Variants in TEX36 observed in about 807,000 individuals in gnomAD.
TEX36 encodes the protein testis expressed 36.
Under a neutral mutation model 13.6 loss-of-function variants are expected in TEX36, and 12 were observed. The observed-to-expected ratio is 0.88, with a 90% CI of 0.56 to 1.43. The LOEUF is 1.43. Ranked by LOEUF, TEX36 falls within the 40% of genes most tolerant of loss-of-function variation. The pLI is 0.00. For missense variants in TEX36, 224 were observed against 228.3 expected, an observed-to-expected ratio of 0.98 and a Z score of 0.12; for synonymous variants, 93 against 83.0, an observed-to-expected ratio of 1.12 and a Z score of -0.65.
At chr10:125,610,858 C>T (rs1846280408) in intron 3 of TEX36, among the ~76,000 whole-genome samples, 1 of 152,080 alleles carries the variant, frequency 6.6e-6, no homozygotes, top group Non-Finnish European at 1.5e-5. Flanking sequence ...CTATAATGCT[C>T]TCATTTTATT....
At chr10:125,667,633 GCCCCCAACACCA>G in intron 1 of TEX36, 4 of 721,700 alleles carry the variant, frequency 5.5e-6, no homozygotes, top group Middle Eastern at 4.9e-4. Flanking sequence ...CTACCTTGCT[GCCCCCAACACCA>G]CCCTTGGACA....
At chr10:125,667,153 G>A in intron 1 of TEX36, 1 of 677,006 alleles carries the variant, frequency 1.5e-6, no homozygotes, top group East Asian at 3.2e-5. Context: ...TGTGATCCCA[G>A]GGACAGCGGG....
intron 3 of TEX36, among the ~76,000 whole-genome samples, chr10:125,611,296 A>C (rs2133551310): frequency 6.6e-6 from 1 of 152,338 alleles, no homozygotes; most frequent in Non-Finnish European, 1.5e-5. Flanking sequence ...AGATACTGCC[A>C]AATTGCCCTC....
intron 3 of TEX36, among the ~76,000 whole-genome samples, chr10:125,647,150 T>C (rs1322411881): frequency 6.6e-6 from 1 of 152,206 alleles, no homozygotes; most frequent in Non-Finnish European, 1.5e-5. Flanking sequence ...CATATTAATA[T>C]AGAAAAACAT....
chr10:125,658,505 T>C (rs1339336476), intron 3 of TEX36, among the ~76,000 whole-genome samples: 2 of 152,092 alleles, frequency 1.3e-5, no homozygotes, highest in African/African-American at 4.8e-5. Context: ...ATATGAAAGA[T>C]TTAAATAATT....
intron 3 of TEX36, among the ~76,000 whole-genome samples, chr10:125,614,514 C>G (rs1846332594): frequency 6.6e-6 from 1 of 151,944 alleles, no homozygotes; most frequent in Non-Finnish European, 1.5e-5. Context: ...AGCCAGTTTT[C>G]CCAGCACCAT....
chr10:125,618,455 A>G (rs1314570928), downstream of TEX36, among the ~76,000 whole-genome samples: 1 of 152,010 alleles, frequency 6.6e-6, no homozygotes, highest in Non-Finnish European at 1.5e-5. Context: ...TGATGTTCAG[A>G]TGGGTTTTTG....
intron 3 of TEX36, among the ~76,000 whole-genome samples, chr10:125,658,560 G>A (rs1447599261): frequency 6.6e-6 from 1 of 151,860 alleles, no homozygotes; most frequent in Non-Finnish European, 1.5e-5. Flanking sequence ...TAACCAACAG[G>A]GGGGAATATA....
chr10:125,664,036 C>A (rs1847088431), intron 1 of TEX36, among the ~76,000 whole-genome samples: 1 of 152,178 alleles, frequency 6.6e-6, no homozygotes, highest in East Asian at 1.9e-4. Flanking sequence ...ATTCTACTCT[C>A]TATGAGTTCA....
intron 3 of TEX36, among the ~76,000 whole-genome samples, chr10:125,641,645 G>A (rs559212385): frequency 1.3e-5 from 2 of 152,346 alleles, no homozygotes; most frequent in South Asian, 4.1e-4. Context: ...ACACCTTCAT[G>A]TATTTGATGA....
downstream of TEX36, among the ~76,000 whole-genome samples, chr10:125,621,291 A>G (rs1846427184): frequency 6.6e-6 from 1 of 151,988 alleles, no homozygotes; most frequent in Non-Finnish European, 1.5e-5. Flanking sequence ...AAGCAGTCAC[A>G]CCATTTTACA....
intron 3 of TEX36, among the ~76,000 whole-genome samples, chr10:125,590,935 G>C (rs1846014601): frequency 6.6e-6 from 1 of 152,092 alleles, no homozygotes; most frequent in Non-Finnish European, 1.5e-5. Context: ...TTCCTCTTCG[G>C]TTATGTTCAC....
chr10:125,603,481 C>G (rs2133544871), intron 3 of TEX36, among the ~76,000 whole-genome samples: 1 of 152,248 alleles, frequency 6.6e-6, no homozygotes, highest in East Asian at 1.9e-4. Context: ...CTTCTCTTCT[C>G]TAACCCAGCC....
At chr10:125,615,291 T>C (rs949653711) in intron 3 of TEX36, among the ~76,000 whole-genome samples, 3 of 152,056 alleles carry the variant, frequency 2.0e-5, no homozygotes, top group Non-Finnish European at 4.4e-5. Flanking sequence ...TCCTGCCTAA[T>C]TGCCCTGGCC....
chr10:125,580,358 A>G (rs1479022697), intron 3 of TEX36, among the ~76,000 whole-genome samples: 1 of 152,170 alleles, frequency 6.6e-6, no homozygotes, highest in Admixed American at 6.5e-5. Context: ...TTGTGGTAGT[A>G]CCCTTTGTCA....
intron 3 of TEX36, among the ~76,000 whole-genome samples, chr10:125,610,807 G>A (rs769985250): frequency 7.6e-4 from 115 of 151,944 alleles, no homozygotes; most frequent in Non-Finnish European, 1.4e-3. Context: ...TTCTTTTCAC[G>A]ATTGTTCTTT....
intron 3 of TEX36, among the ~76,000 whole-genome samples, chr10:125,598,375 T>C (rs1272641191): frequency 6.6e-6 from 1 of 152,176 alleles, no homozygotes; most frequent in Non-Finnish European, 1.5e-5. Context: ...GGTAACCCTG[T>C]CTGGGTGATG....
intron 3 of TEX36, among the ~76,000 whole-genome samples, chr10:125,582,615 A>G (rs1298391955): frequency 6.6e-6 from 1 of 152,186 alleles, no homozygotes; most frequent in Non-Finnish European, 1.5e-5. Context: ...TTTAGTTGAG[A>G]GTGATTCAGC....
intron 3 of TEX36, among the ~76,000 whole-genome samples, chr10:125,658,810 A>T (rs1332042218): frequency 6.6e-6 from 1 of 152,142 alleles, no homozygotes; most frequent in Non-Finnish European, 1.5e-5. Context: ...ATCATAGGCT[A>T]TTTGAAAGCA....
Sources: allele counts gnomAD v4.1 joint callset (sites outside exome capture counted in the v4.1 genomes callset), GRCh38; gene constraint gnomAD v4.1.1; transcripts MANE v1.5; gene names NCBI Gene and HGNC (gene_info 2026-07-23, HGNC 2026-07-21).